Variants in PTPRN2 observed in about 807,000 individuals in gnomAD.
The protein encoded by PTPRN2 is receptor-type tyrosine-protein phosphatase N2.
A neutral mutation model predicts 118.8 loss-of-function variants in PTPRN2; 74 were observed. That is an observed-to-expected ratio of 0.62 (90% confidence interval 0.52 to 0.76). PTPRN2 has a LOEUF of 0.76. Ranked by LOEUF, PTPRN2 falls within the 30% of genes least tolerant of loss-of-function variation. The pLI, the probability that PTPRN2 is intolerant of heterozygous loss-of-function variation, is 0.00. For missense variants in PTPRN2, 1,481 were observed against 1,394.4 expected, an observed-to-expected ratio of 1.06 and a Z score of -0.99; for synonymous variants, 641 against 608.0, an observed-to-expected ratio of 1.05 and a Z score of -0.80.
At chr7:158,398,590 A>G (rs1812707481) in intron 2 of PTPRN2, among the ~76,000 whole-genome samples, 1 of 152,248 alleles carries the variant, frequency 6.6e-6, no homozygotes, top group African/African-American at 2.4e-5. Context: ...TCATGCTTGC[A>G]CATAGTTTGA....
chr7:157,878,474 G>A (rs1278081520), intron 12 of PTPRN2, among the ~76,000 whole-genome samples: 1 of 144,556 alleles, frequency 6.9e-6, no homozygotes, highest in Non-Finnish European at 1.5e-5. Context: ...GGGGCTGGAA[G>A]GGTCAGTGTG....
intron 2 of PTPRN2, among the ~76,000 whole-genome samples, chr7:158,351,856 C>A (rs998185941): frequency 3.3e-5 from 5 of 151,690 alleles, no homozygotes; most frequent in Non-Finnish European, 7.4e-5. Flanking sequence ...TTTCTGACCA[C>A]CCACTCCCAG....
At chr7:158,196,648 C>T (rs924356826) in intron 4 of PTPRN2, among the ~76,000 whole-genome samples, 5 of 152,178 alleles carry the variant, frequency 3.3e-5, no homozygotes, top group Admixed American at 6.5e-5. Flanking sequence ...GACACCCAAC[C>T]GAGATGTAGC....
At chr7:158,379,655 G>A (rs1214500936) in intron 2 of PTPRN2, among the ~76,000 whole-genome samples, 2 of 152,182 alleles carry the variant, frequency 1.3e-5, no homozygotes, top group African/African-American at 4.8e-5. Context: ...AGGTGGGGCG[G>A]GGTTCCTAAG....
intron 11 of PTPRN2, among the ~76,000 whole-genome samples, chr7:157,916,691 C>T (rs1297031813): frequency 6.6e-6 from 1 of 152,202 alleles, no homozygotes; most frequent in Non-Finnish European, 1.5e-5. Context: ...GCTTAGGAGC[C>T]CCCAGGCCAG....
At chr7:158,078,006 T>G (rs1442080253) in intron 11 of PTPRN2, among the ~76,000 whole-genome samples, 1 of 152,144 alleles carries the variant, frequency 6.6e-6, no homozygotes, top group Non-Finnish European at 1.5e-5. Context: ...TAATATTCAC[T>G]AATACCCTGT....
At chr7:158,500,989 T>C (rs1015931875) in intron 1 of PTPRN2, among the ~76,000 whole-genome samples, 10 of 152,390 alleles carry the variant, frequency 6.6e-5, no homozygotes, top group African/African-American at 1.2e-4. Context: ...CCACGTCCGC[T>C]GGGAGCTGGG....
chr7:157,835,970 A>T (rs1807905120), intron 12 of PTPRN2, among the ~76,000 whole-genome samples: 1 of 152,208 alleles, frequency 6.6e-6, no homozygotes, highest in South Asian at 2.1e-4. Flanking sequence ...ACAACAAGCA[A>T]CGTTAGACAC....
chr7:157,548,028 GT>G (rs769025851), intron 22 of PTPRN2, among the ~76,000 whole-genome samples: 3 of 152,208 alleles, frequency 2.0e-5, no homozygotes, highest in Non-Finnish European at 1.5e-5. Context: ...CTGCGCTGTG[GT>G]TATGTGAGGT....
rs996131916 is a variant in PTPRN2, at chr7:157,615,990, C to T, written c.2344+5372G>A. On this transcript the variant is annotated intron_variant, in intron 15 of 22. Transcript: ENST00000389418. The surrounding 1 kb of genome is among the most constrained non-coding windows in gnomAD (Gnocchi z 4.3). ...AGGCCTGATCCAGGAAGAAGCACACCGTGGCCTGGGGCCCCTCTGGAGGGT... is the reference window on the plus strand; with the variant it reads ...AGGCCTGATCCAGGAAGAAGCACACTGTGGCCTGGGGCCCCTCTGGAGGGT... The T allele has an allele frequency of 3.5e-5, 8 of 227,342 alleles. No individual in the cohort carries two copies. The highest frequency in any genetic ancestry group is 1.2e-4 in the East Asian group (1 of 8,090). 14.1% of individuals were successfully genotyped at this position (227,342 alleles called of 1,614,324 possible).
chr7:157,651,475 CT>C (rs1390934224), intron 14 of PTPRN2, among the ~76,000 whole-genome samples: 1 of 152,144 alleles, frequency 6.6e-6, no homozygotes, highest in Non-Finnish European at 1.5e-5. Flanking sequence ...ATGAAGCCAA[CT>C]TTTTTCTTAA....
At chr7:157,549,093 G>T in intron 21 of PTPRN2, 74 bp from the exon 22 acceptor site, 1 of 1,430,834 alleles carries the variant, frequency 7.0e-7, no homozygotes, top group Non-Finnish European at 9.9e-7. Context: ...TCTCCTGCTA[G>T]CCACGTTCCC....
rs376121654 is a variant in PTPRN2 at position 157,729,965 on chromosome 7, C to T, written c.1789-47028G>A. On this transcript the variant is annotated intron_variant, in intron 12 of 22. Coordinates refer to ENST00000389418, the MANE Select transcript of PTPRN2 (RefSeq NM_002847.5). The surrounding 1 kb of genome is among the most constrained non-coding windows in gnomAD (Gnocchi z 4.3). ...TGGGCCAGGAACAGGGCATTCTTCT[C>T]TCCAGGGAGCAGAAACCACAAGATA... Among the ~76,000 whole-genome samples the T allele has an allele frequency of 2.6e-5, 4 of 152,338 alleles. No individual in the cohort carries two copies. The highest frequency in any genetic ancestry group is 3.4e-3 in the Middle Eastern group (1 of 294).
intron 12 of PTPRN2, among the ~76,000 whole-genome samples, chr7:157,823,148 T>A (rs59516733): frequency 0.1 from 15,435 of 151,998 alleles, 1,336 homozygotes; most frequent in African/African-American, 0.22. Context: ...GAAGCATATA[T>A]CCATCCATCC....
At chr7:158,416,846 G>C (rs577649456) in intron 2 of PTPRN2, among the ~76,000 whole-genome samples, 2 of 152,330 alleles carry the variant, frequency 1.3e-5, no homozygotes, top group East Asian at 3.9e-4. Flanking sequence ...GACCTTCACA[G>C]TAAAGGGACA....
intron 1 of PTPRN2, among the ~76,000 whole-genome samples, chr7:158,567,668 AG>A (rs1827742702): frequency 6.6e-6 from 1 of 152,198 alleles, no homozygotes; most frequent in South Asian, 2.1e-4. Context: ...AGCGGACTGA[AG>A]GGGTACGGGC....
chr7:158,321,811 C>T (rs1480172179), intron 2 of PTPRN2, among the ~76,000 whole-genome samples: 1 of 152,196 alleles, frequency 6.6e-6, no homozygotes, highest in East Asian at 1.9e-4. Flanking sequence ...ACGTGTCAAT[C>T]CTTATACAGA....
intron 1 of PTPRN2, among the ~76,000 whole-genome samples, chr7:158,583,326 A>G (rs576588969): frequency 3.7e-4 from 56 of 152,304 alleles, no homozygotes; most frequent in African/African-American, 1.3e-3. Context: ...CTGTGTCGAT[A>G]GCCCTATTCT....
At position 157,632,264 on chromosome 7, in the gene PTPRN2, T is replaced by G. The variant is rs1015993193; in HGVS notation, c.2197-10755A>C. On this transcript the variant is annotated intron_variant, in intron 14 of 22. Transcript: ENST00000389418. This position sits in a 1 kb window ranked among gnomAD's most constrained non-coding sequence, Gnocchi z 4.3. Reference sequence around the variant, plus strand: ...CTGCCTCACCTCTAGAAGGACTGCATGAAGACCTGCGATGCGTGGAAAGGT... The same window carrying G: ...CTGCCTCACCTCTAGAAGGACTGCAGGAAGACCTGCGATGCGTGGAAAGGT... Among the ~76,000 whole-genome samples, 5 of 152,184 alleles carry G rather than the reference T, an allele frequency of 3.3e-5. No homozygotes were observed. The South Asian group carries it at 6.2e-4, about 19-fold the overall frequency.
Sources: gnomAD v4.1 joint callset for allele counts (sites outside exome capture counted in the v4.1 genomes callset) on GRCh38, gnomAD v4.1.1 for gene constraint, Gnocchi (gnomAD v3.1) non-coding constraint, MANE v1.5 for transcripts, NCBI Gene and HGNC (gene_info 2026-07-23, HGNC 2026-07-21) for gene names.